Variants in PCDHA10 observed in about 807,000 individuals in gnomAD.
The protein encoded by PCDHA10 is protocadherin alpha 10.
PCDHA10 carries 45 observed loss-of-function variants against 61.2 expected under a neutral mutation model. The ratio of observed to expected loss-of-function variants is 0.74; its 90% confidence interval spans 0.58 to 0.94. The LOEUF (loss-of-function observed/expected upper bound fraction) is 0.94, where lower values mean the gene tolerates loss of function less well. Ranked by LOEUF, PCDHA10 falls within the 40% of genes least tolerant of loss-of-function variation. The pLI, the probability that PCDHA10 is intolerant of heterozygous loss-of-function variation, is 0.00. For synonymous variants in PCDHA10, 602 were observed against 548.8 expected (o/e 1.10, Z -1.35); for missense variants, 1,278 against 1,236.2 (o/e 1.03, Z -0.51).
chr5:140,969,630 A>G (rs1185557414), intron 1 of PCDHA10: 1 of 654,766 alleles, frequency 1.5e-6, no homozygotes, highest in Non-Finnish European at 2.5e-6. Flanking sequence ...GAAACAGGAC[A>G]GGCCTTGGAA....
intron 1 of PCDHA10, chr5:140,870,758 T>C: frequency 1.2e-6 from 2 of 1,613,530 alleles, no homozygotes; most frequent in African/African-American, 2.7e-5. Flanking sequence ...ACGCTGCAGG[T>C]GTTCGTGCTG....
At chr5:140,884,299 G>A in intron 1 of PCDHA10, 1 of 1,613,736 alleles carries the variant, frequency 6.2e-7, no homozygotes, top group Non-Finnish European at 8.5e-7. Context: ...AAGCGCCACA[G>A]GCTTCGTCGA....
At chr5:140,989,810 AT>A (rs2097361628) in intron 3 of PCDHA10, among the ~76,000 whole-genome samples, 1 of 152,192 alleles carries the variant, frequency 6.6e-6, no homozygotes, top group Non-Finnish European at 1.5e-5. Context: ...GGGCCATAAG[AT>A]TGGTCACTGC....
chr5:141,010,233 G>C lies in PCDHA10; in HGVS notation c.*296G>C, dbSNP rs1156230400. ...AAGGAGAGGCTTCCCAGCCCCGCCA[G>C]TGAGAGGTTGGACTCTCTGCCCTGT... On this transcript the variant is annotated 3_prime_UTR_variant, in exon 4 of 4. Transcript: ENST00000307360. 1.9e-6 allele frequency: 3 copies of C among 1,551,812 alleles called. No homozygotes were observed. The highest frequency in any genetic ancestry group is 2.6e-6 in the Non-Finnish European group (3 of 1,147,042).
chr5:140,926,892 G>A (rs781956892), intron 1 of PCDHA10: 10 of 1,546,640 alleles, frequency 6.5e-6, no homozygotes, highest in African/African-American at 2.7e-5. Context: ...CTAGAGGGAG[G>A]ATGGTGGGCT....
At chr5:140,986,951 T>C (rs1421822972) in intron 3 of PCDHA10, among the ~76,000 whole-genome samples, 1 of 152,128 alleles carries the variant, frequency 6.6e-6, no homozygotes, top group Non-Finnish European at 1.5e-5. Context: ...TGGTCGCTCA[T>C]GCCTGTAATT....
At position 140,870,457 on chromosome 5, in the gene PCDHA10, C is replaced by T. The variant is rs2052038650; in HGVS notation, c.2388+12021C>T. 3.1e-6 allele frequency: 5 copies of T among 1,614,110 alleles called. No individual in the cohort carries two copies. Among genetic ancestry groups the T allele is most frequent in the African/African-American group, 1.3e-5 (1 of 74,948 alleles). ...GGTGGCCGACGTGAACGACAATGCG[C>T]CTGCGTTCGCACAGCCCGAGTACAC... On this transcript the variant is annotated intron_variant, in intron 1 of 3. Coordinates refer to ENST00000307360, the MANE Select transcript of PCDHA10 (RefSeq NM_018901.4).
chr5:140,986,018 C>T (rs943946792), intron 3 of PCDHA10, among the ~76,000 whole-genome samples: 2 of 152,110 alleles, frequency 1.3e-5, no homozygotes, highest in African/African-American at 2.4e-5. Flanking sequence ...GGATTACAGG[C>T]GTGAGCCACT....
chr5:140,858,063 G>T lies in PCDHA10; in HGVS notation c.2015G>T (p.Ser672Ile). Residue 672 changes from serine to isoleucine, a missense_variant, in exon 1 of 4, where the codon AGC becomes ATC. Physicochemically the swap from Ser to Ile is moderately radical, Grantham distance 142. Transcript: ENST00000307360. ...GTGCTTGTGTCGCTTGTGGAGGGCAGCCAGGCACCCAAGGCCTCGTCGCGG... is the reference window on the plus strand; with the variant it reads ...GTGCTTGTGTCGCTTGTGGAGGGCATCCAGGCACCCAAGGCCTCGTCGCGG... Reference protein sequence around the residue: ...ATVLVSLVEGSQAPKASSRAS... With the variant: ...ATVLVSLVEGIQAPKASSRAS... The T allele has an allele frequency of 6.3e-7, 1 of 1,597,700 alleles. No homozygotes were observed. The highest frequency in any genetic ancestry group is 8.6e-7 in the Non-Finnish European group (1 of 1,167,578).
At chr5:140,877,109 G>T (rs370191624) in intron 1 of PCDHA10, 1 of 1,613,590 alleles carries the variant, frequency 6.2e-7, no homozygotes, top group South Asian at 1.1e-5. Flanking sequence ...CCGCCTCTGG[G>T]CAGCAACGTG....
intron 1 of PCDHA10, among the ~76,000 whole-genome samples, chr5:140,962,929 A>T (rs1386992197): frequency 1.3e-5 from 2 of 152,070 alleles, no homozygotes; most frequent in Non-Finnish European, 2.9e-5. Context: ...ATACTTCTCA[A>T]CCTCCTCTCC....
chr5:140,973,481 G>A (rs537904841), intron 1 of PCDHA10, among the ~76,000 whole-genome samples: 2 of 152,208 alleles, frequency 1.3e-5, no homozygotes, highest in East Asian at 3.9e-4. Context: ...ATTTCATATT[G>A]GTCACAGGAC....
At chr5:140,982,878 C>T (rs2097013352) in intron 3 of PCDHA10, among the ~76,000 whole-genome samples, 1 of 151,992 alleles carries the variant, frequency 6.6e-6, no homozygotes, top group South Asian at 2.1e-4. Flanking sequence ...TCATCCAAGC[C>T]ATGCAGAGAA....
chr5:140,982,604 A>G, intron 3 of PCDHA10, 41 bp downstream of exon 3: 1 of 1,607,164 alleles, frequency 6.2e-7, no homozygotes, highest in Non-Finnish European at 8.5e-7. Context: ...TGGTTTCTGG[A>G]AAGTGATCAG....
At chr5:140,999,444 C>A (rs782553983) in intron 3 of PCDHA10, among the ~76,000 whole-genome samples, 25 of 152,210 alleles carry the variant, frequency 1.6e-4, no homozygotes, top group Non-Finnish European at 3.1e-4. Flanking sequence ...GCCTCTTATT[C>A]GTTCAACGAA....
chr5:140,875,356 G>A (rs2055432006), intron 1 of PCDHA10: 4 of 1,446,352 alleles, frequency 2.8e-6, no homozygotes, highest in East Asian at 2.5e-5. Context: ...TGACTGTGAT[G>A]CTGGAAAAAA....
chr5:140,967,327 C>T (rs2096128034), intron 1 of PCDHA10: 2 of 1,608,656 alleles, frequency 1.2e-6, no homozygotes, highest in Admixed American at 1.7e-5. Context: ...CCTACGAGCT[C>T]AGCCCCAGCG....
chr5:141,001,089 C>G (rs972790418), intron 3 of PCDHA10, among the ~76,000 whole-genome samples: 2 of 152,042 alleles, frequency 1.3e-5, no homozygotes, highest in Admixed American at 1.3e-4. Flanking sequence ...ACCCCATAAA[C>G]TGTCTAATCC....
At chr5:140,956,622 C>T (rs1438482570) in intron 1 of PCDHA10, among the ~76,000 whole-genome samples, 2 of 152,008 alleles carry the variant, frequency 1.3e-5, no homozygotes, top group African/African-American at 4.8e-5. Context: ...CTTTTTGTTG[C>T]ATCTCTGCCA....
Sources: allele counts gnomAD v4.1 joint callset (sites outside exome capture counted in the v4.1 genomes callset), GRCh38; gene constraint gnomAD v4.1.1; transcripts MANE v1.5; gene names NCBI Gene and HGNC (gene_info 2026-07-23, HGNC 2026-07-21).